The following GRID2 variants were observed in gnomAD, a reference collection of about 807,000 sequenced individuals.
GRID2 encodes glutamate ionotropic receptor delta type subunit 2, also known as glutamate receptor ionotropic, delta-2.
A neutral mutation model predicts 114.8 loss-of-function variants in GRID2; 33 were observed. The ratio of observed to expected loss-of-function variants is 0.29; its 90% CI spans 0.22 to 0.38. The LOEUF is 0.38. Ranked by LOEUF, GRID2 falls within the 10% of genes least tolerant of loss-of-function variation. The pLI is 1.00. For missense variants in GRID2, 1,184 were observed against 1,257.7 expected (o/e 0.94, Z 0.89); for synonymous variants, 505 against 449.9 (o/e 1.12, Z -1.55).
chr4:92,676,170 C>CCCCT (rs1491203329), intron 2 of GRID2, among the ~76,000 whole-genome samples: 55 of 49,812 alleles, frequency 1.1e-3, no homozygotes, highest in Non-Finnish European at 1.5e-3. Context: ...CCCCCCCCCC[C>CCCCT]TTTTTTTTTT....
chr4:93,626,183 C>A, intron 13 of GRID2, 86 bp from the exon 14 acceptor site: 2 of 649,994 alleles, frequency 3.1e-6, no homozygotes, highest in Non-Finnish European at 5.4e-6. Context: ...AAATATATAC[C>A]AATGTAATGT....
At chr4:93,309,566 TA>T (rs1301188116) in intron 8 of GRID2, among the ~76,000 whole-genome samples, 7 of 150,550 alleles carry the variant, frequency 4.6e-5, no homozygotes, top group Non-Finnish European at 7.4e-5. Context: ...TAATAATAAA[TA>T]AAAAAGAAGA....
At chr4:92,964,784 C>G (rs918972585) in intron 2 of GRID2, among the ~76,000 whole-genome samples, 1 of 151,928 alleles carries the variant, frequency 6.6e-6, no homozygotes, top group South Asian at 2.1e-4. Flanking sequence ...AGACTTAGGG[C>G]CTTTCCTTAG....
chr4:92,586,731 T>C (rs1728469623), intron 1 of GRID2, among the ~76,000 whole-genome samples: 3 of 151,972 alleles, frequency 2.0e-5, no homozygotes. Context: ...AATTTGGTAT[T>C]TTTTTCATAT....
At chr4:92,602,360 C>A (rs1176380646) in intron 2 of GRID2, among the ~76,000 whole-genome samples, 1 of 152,090 alleles carries the variant, frequency 6.6e-6, no homozygotes, top group African/African-American at 2.4e-5. Flanking sequence ...CCACAATGAA[C>A]AAGTAGGTGT....
At chr4:92,651,595 T>G (rs1035193013) in intron 2 of GRID2, among the ~76,000 whole-genome samples, 1 of 152,028 alleles carries the variant, frequency 6.6e-6, no homozygotes. Context: ...TTCTGAGAGG[T>G]CAGTCCACAT....
At chr4:92,356,165 C>T (rs187946216) in intron 1 of GRID2, among the ~76,000 whole-genome samples, 85 of 151,518 alleles carry the variant, frequency 5.6e-4, no homozygotes, top group African/African-American at 1.9e-3. Context: ...AATGTGTCTT[C>T]AAATAAAATT....
At chr4:92,712,754 T>C (rs78357327) in intron 2 of GRID2, among the ~76,000 whole-genome samples, 2,733 of 152,250 alleles carry the variant, frequency 0.018, 38 homozygotes, top group Non-Finnish European at 0.028. Context: ...ATTTAGGTAA[T>C]CATTAATATT....
At chr4:92,483,026 C>T (rs1445341752) in intron 1 of GRID2, among the ~76,000 whole-genome samples, 2 of 152,060 alleles carry the variant, frequency 1.3e-5, no homozygotes, top group African/African-American at 4.8e-5. Flanking sequence ...ACTTGTTGTT[C>T]AACTGACATA....
chr4:92,945,176 G>A (rs1354777342), intron 2 of GRID2, among the ~76,000 whole-genome samples: 1 of 152,050 alleles, frequency 6.6e-6, no homozygotes, highest in African/African-American at 2.4e-5. Flanking sequence ...ATGTAATCAT[G>A]CATGTAAGAT....
chr4:93,059,165 C>T (rs1181655638), intron 2 of GRID2, among the ~76,000 whole-genome samples: 2 of 152,192 alleles, frequency 1.3e-5, no homozygotes, highest in Admixed American at 6.6e-5. Context: ...CATTTGATAA[C>T]ATTTGAAATG....
intron 14 of GRID2, among the ~76,000 whole-genome samples, chr4:93,729,477 CT>C (rs1730278538): frequency 6.6e-6 from 1 of 152,134 alleles, no homozygotes; most frequent in Non-Finnish European, 1.5e-5. Flanking sequence ...ACCTGTGACA[CT>C]CTTTCTTCCT....
intron 1 of GRID2, among the ~76,000 whole-genome samples, chr4:92,536,035 G>A (rs1031502547): frequency 2.6e-5 from 4 of 152,308 alleles, no homozygotes; most frequent in East Asian, 1.9e-4. Flanking sequence ...CCCAAAGAGT[G>A]AGCAGCATTA....
intron 8 of GRID2, among the ~76,000 whole-genome samples, chr4:93,256,966 T>C (rs141850285): frequency 6.6e-6 from 1 of 151,894 alleles, no homozygotes; most frequent in Non-Finnish European, 1.5e-5. Flanking sequence ...GTTGGCTGTA[T>C]AGTTTTATTA....
chr4:92,711,062 G>T (rs1735220460), intron 2 of GRID2, among the ~76,000 whole-genome samples: 1 of 151,700 alleles, frequency 6.6e-6, no homozygotes, highest in Non-Finnish European at 1.5e-5. Context: ...CTATTTAGTG[G>T]TAATCCCACT....
chr4:93,328,497 C>T (rs560522939), intron 8 of GRID2, among the ~76,000 whole-genome samples: 1 of 152,232 alleles, frequency 6.6e-6, no homozygotes, highest in African/African-American at 2.4e-5. Flanking sequence ...CTAAAATAAC[C>T]ACTCTTGCAC....
At chr4:92,899,231 A>G (rs180881929) in intron 2 of GRID2, among the ~76,000 whole-genome samples, 1 of 151,806 alleles carries the variant, frequency 6.6e-6, no homozygotes, top group East Asian at 1.9e-4. Flanking sequence ...TTTAGTTTAT[A>G]TTTTTCTTGT....
intron 8 of GRID2, among the ~76,000 whole-genome samples, chr4:93,381,196 ACT>A (rs1438461653): frequency 6.6e-6 from 1 of 152,218 alleles, no homozygotes; most frequent in South Asian, 2.1e-4. Context: ...ATCATGCAAA[ACT>A]GAAACTCTAT....
intron 2 of GRID2, among the ~76,000 whole-genome samples, chr4:92,869,035 T>C (rs554475201): frequency 6.6e-6 from 1 of 152,224 alleles, no homozygotes; most frequent in Admixed American, 6.5e-5. Flanking sequence ...CTAAAGGAAA[T>C]TACTTTTAAT....
Sources: allele counts gnomAD v4.1 joint callset (sites outside exome capture counted in the v4.1 genomes callset), GRCh38; gene constraint gnomAD v4.1.1; transcripts MANE v1.5; gene names NCBI Gene and HGNC (gene_info 2026-07-23, HGNC 2026-07-21).